The following ZNF665 variants were observed in gnomAD, a reference collection of about 807,000 sequenced individuals.
ZNF665 encodes zinc finger protein 665.
A neutral mutation model predicts 7.9 loss-of-function variants in ZNF665; 6 were observed. The observed-to-expected ratio is 0.76, with a 90% CI of 0.42 to 1.50. ZNF665 has a LOEUF of 1.50. ZNF665 is among the 40% of genes most tolerant of loss of function. The probability of loss-of-function intolerance (pLI) is 0.01; values close to 1 mark genes in which losing one functional copy is unlikely to be tolerated. For synonymous variants in ZNF665, 242 were observed against 274.5 expected, an observed-to-expected ratio of 0.88 and a Z score of 1.17; for missense variants, 819 against 806.7, an observed-to-expected ratio of 1.02 and a Z score of -0.18.
chr19:53,178,543 G>A (rs2090714651), intron 2 of ZNF665, among the ~76,000 whole-genome samples: 1 of 151,998 alleles, frequency 6.6e-6, no homozygotes, highest in African/African-American at 2.4e-5. Flanking sequence ...GGGCAACATA[G>A]CAAGACCTTG....
In ZNF665 at chr19:53,164,337, C is replaced by T. The variant is rs190045639; in HGVS notation, c.*116G>A. 1,511 of 784,440 alleles carry T rather than the reference C, an allele frequency of 1.9e-3. 3 individuals are homozygous for T. The highest frequency in any genetic ancestry group is 2.7e-3 in the South Asian group (129 of 47,696). The allele number at this position is 784,440 out of a possible 1,614,324, so 48.6% of individuals were successfully genotyped here. ...ATTTTTAGTAGAGACAGCGTTTCACCGTGTTGGCCAGCCTGGTCTCGAACT... is the reference window on the plus strand; with the variant it reads ...ATTTTTAGTAGAGACAGCGTTTCACTGTGTTGGCCAGCCTGGTCTCGAACT... On this transcript the variant is annotated 3_prime_UTR_variant, in exon 4 of 4. Transcript: ENST00000396424.
chr19:53,182,781 CT>C, intron 2 of ZNF665, 102 bp downstream of exon 2: 1 of 1,573,882 alleles, frequency 6.4e-7, no homozygotes, highest in Admixed American at 1.7e-5. Context: ...GCGAGCAAAC[CT>C]GTCAGGCAGG....
At chr19:53,174,945 C>CAAAAA (rs1168901820) in intron 3 of ZNF665, among the ~76,000 whole-genome samples, 39 of 44,242 alleles carry the variant, frequency 8.8e-4, no homozygotes, top group African/African-American at 2.9e-3. Context: ...AACTCCGTCT[C>CAAAAA]AAAAAAAAAA....
chr19:53,181,771 G>C (rs1026481825), intron 2 of ZNF665: 2 of 152,152 alleles, frequency 1.3e-5, no homozygotes, highest in Non-Finnish European at 2.9e-5. Context: ...CAATAAAATA[G>C]AGGACTAGAA....
At chr19:53,178,040 C>G (rs1165201657) in intron 2 of ZNF665, among the ~76,000 whole-genome samples, 1 of 152,216 alleles carries the variant, frequency 6.6e-6, no homozygotes, top group Non-Finnish European at 1.5e-5. Context: ...CCTGAATAAT[C>G]TTCCAAAGAG....
intron 3 of ZNF665, among the ~76,000 whole-genome samples, chr19:53,170,153 G>A (rs1047010588): frequency 1.7e-4 from 26 of 150,728 alleles, no homozygotes; most frequent in African/African-American, 6.4e-4. Context: ...CCCACCAACA[G>A]TGTAAAAGTG....
chr19:53,171,525 T>TA (rs1555804190), intron 3 of ZNF665, among the ~76,000 whole-genome samples: 2,426 of 36,876 alleles, frequency 0.066, 23 homozygotes, highest in African/African-American at 0.15. Flanking sequence ...TATATATATA[T>TA]TTTTTTTTTT....
chr19:53,165,381 C>A lies in ZNF665; in HGVS notation c.1109G>T (p.Gly370Val). The change falls in exon 4 of 4, where the codon GGT becomes GTT. Residue 370 changes from glycine to valine, a missense_variant. Transcript: ENST00000396424. ...CTCATTACACTTGTAAGGTTTCTCA[C>A]CAGTATGAATTCGCCGATGCTTTGC... ...YLAKHRRIHT[G>V]EKPYKCNECG... The A allele has an allele frequency of 6.2e-7, 1 of 1,614,162 alleles. No individual in the cohort carries two copies. The highest frequency in any genetic ancestry group is 8.5e-7 in the Non-Finnish European group (1 of 1,180,024).
chr19:53,182,914 C>T lies in ZNF665; in HGVS notation c.-16G>A, dbSNP rs1472274711. 7 of 1,609,214 alleles carry T rather than the reference C, an allele frequency of 4.3e-6. No homozygotes were observed. The highest frequency in any genetic ancestry group is 5.9e-6 in the Non-Finnish European group (7 of 1,179,930). ...GAAGAGCCATCCCTGACTCCTTTGC[C>T]TTCCTCTTCCTCTTCTTCCAGGGTT... On this transcript the variant is annotated 5_prime_UTR_variant, in exon 2 of 4. Transcript: ENST00000396424.
At chr19:53,172,424 A>C (rs1048518588) in intron 3 of ZNF665, among the ~76,000 whole-genome samples, 20 of 152,272 alleles carry the variant, frequency 1.3e-4, no homozygotes, top group African/African-American at 4.8e-4. Flanking sequence ...ATCTTTGCTA[A>C]CACATATCTT....
At chr19:53,174,077 A>G (rs2090678654) in intron 3 of ZNF665, among the ~76,000 whole-genome samples, 1 of 152,170 alleles carries the variant, frequency 6.6e-6, no homozygotes, top group Non-Finnish European at 1.5e-5. Flanking sequence ...AGTGTTTTCC[A>G]TCTCTTGGAA....
At chr19:53,172,497 A>C (rs2146852728) in intron 3 of ZNF665, among the ~76,000 whole-genome samples, 1 of 152,188 alleles carries the variant, frequency 6.6e-6, no homozygotes, top group East Asian at 1.9e-4. Flanking sequence ...TTAAATTTTT[A>C]TCTCTGCAAG....
intron 1 of ZNF665, among the ~76,000 whole-genome samples, chr19:53,184,223 A>C (rs7255114): frequency 0.99 from 150,108 of 152,184 alleles, 74,078 homozygotes; most frequent in African/African-American, 1. Context: ...GCAGTCCAGC[A>C]TGGGCGACAG....
chr19:53,165,952 A>G lies in ZNF665; in HGVS notation c.538T>C (p.Cys180Arg), dbSNP rs2090610658. 4 of 1,613,992 alleles carry G rather than the reference A, an allele frequency of 2.5e-6. No individual in the cohort carries two copies. Among genetic ancestry groups the G allele is most frequent in the East Asian group, 2.2e-5 (1 of 44,874 alleles). The stretch of plus-strand genomic sequence containing the variant: ...CTGAAGACCTTGCCACATTCATCAC[A>G]TTTATAATGTTTTCCTCGATTATTA... ...SPNNRGKHYKCDECGKVFSQN... is the reference protein window; with the variant it reads ...SPNNRGKHYKRDECGKVFSQN... Residue 180 changes from cysteine to arginine, a missense_variant, in exon 4 of 4, where the codon TGT becomes CGT. By Grantham distance (180) the Cys-to-Arg change is radical. Transcript: ENST00000396424.
At chr19:53,190,598 T>C (rs1488687138) in intron 1 of ZNF665, among the ~76,000 whole-genome samples, 3 of 152,186 alleles carry the variant, frequency 2.0e-5, no homozygotes, top group Non-Finnish European at 2.9e-5. Flanking sequence ...TTCAATTAAC[T>C]TGCTAAAACC....
chr19:53,179,341 A>C (rs577167565), intron 2 of ZNF665, among the ~76,000 whole-genome samples: 11 of 137,878 alleles, frequency 8.0e-5, no homozygotes, highest in African/African-American at 2.4e-4. Context: ...GCACCACTGC[A>C]CTCCAGCCTG....
At chr19:53,170,797 T>C (rs1428110791) in intron 3 of ZNF665, among the ~76,000 whole-genome samples, 3 of 152,182 alleles carry the variant, frequency 2.0e-5, no homozygotes, top group Non-Finnish European at 4.4e-5. Flanking sequence ...CCTTGGACAA[T>C]GTAGGGGTTA....
intron 1 of ZNF665, among the ~76,000 whole-genome samples, chr19:53,183,493 T>C (rs945627338): frequency 6.6e-6 from 1 of 152,090 alleles, no homozygotes; most frequent in African/African-American, 2.4e-5. Context: ...TGAGCTCCAC[T>C]GAGAGGGGCC....
chr19:53,165,732 T>C lies in ZNF665; in HGVS notation c.758A>G (p.Gln253Arg). 6.2e-7 allele frequency: 1 copy of C among 1,614,166 alleles called. No individual in the cohort carries two copies. The highest frequency in any genetic ancestry group is 8.5e-7 in the Non-Finnish European group (1 of 1,180,030). ...FSQPSNLAGH[Q>R]RIHTGEKPYK... ...AGGTTTCTCTCCAGTATGAATTCTC[T>C]GATGACCTGCAAGGTTTGAAGGTTG... Residue 253 changes from glutamine to arginine, a missense_variant, in exon 4 of 4, where the codon CAG becomes CGG. Transcript: ENST00000396424.
Sources: allele counts gnomAD v4.1 joint callset (sites outside exome capture counted in the v4.1 genomes callset), GRCh38; gene constraint gnomAD v4.1.1; transcripts MANE v1.5; gene names NCBI Gene and HGNC (gene_info 2026-07-23, HGNC 2026-07-21).